The following PALLD variants were observed in gnomAD, a reference collection of about 807,000 sequenced individuals.
PALLD encodes palladin, cytoskeletal associated protein, also known as palladin.
In PALLD, 61 loss-of-function variants were observed where a neutral mutation model predicts 123.5. The ratio of observed to expected loss-of-function variants is 0.49; its 90% CI spans 0.40 to 0.61. The LOEUF (loss-of-function observed/expected upper bound fraction) is 0.61, where lower values mean the gene tolerates loss of function less well. Ranked by LOEUF, PALLD falls within the 20% of genes least tolerant of loss-of-function variation. PALLD has a pLI of 0.00. For missense variants in PALLD, 1,273 were observed against 1,377.0 expected, an observed-to-expected ratio of 0.92 and a Z score of 1.20; for synonymous variants, 465 against 496.4, an observed-to-expected ratio of 0.94 and a Z score of 0.84.
chr4:168,696,863 A>G (rs60387764), intron 8 of PALLD, among the ~76,000 whole-genome samples: 20,094 of 152,236 alleles, frequency 0.13, 1,638 homozygotes, highest in East Asian at 0.33. Flanking sequence ...GGATTCCAGA[A>G]GGAGAGAAGA....
intron 2 of PALLD, among the ~76,000 whole-genome samples, chr4:168,546,769 T>C (rs1766176424): frequency 6.6e-6 from 1 of 152,210 alleles, no homozygotes; most frequent in South Asian, 2.1e-4. Context: ...TTCCAAATGA[T>C]TTATTTCCAG....
At chr4:168,543,442 A>G (rs1372504941) in intron 2 of PALLD, among the ~76,000 whole-genome samples, 2 of 151,856 alleles carry the variant, frequency 1.3e-5, no homozygotes, top group Non-Finnish European at 2.9e-5. Flanking sequence ...AGTTTAATGT[A>G]TAAAACACAA....
At chr4:168,544,534 C>T (rs1219693533) in intron 2 of PALLD, among the ~76,000 whole-genome samples, 1 of 152,120 alleles carries the variant, frequency 6.6e-6, no homozygotes, top group Non-Finnish European at 1.5e-5. Context: ...ATTAAGCCAA[C>T]CATTTACTTA....
At chr4:168,523,432 G>T (rs899767599) in intron 2 of PALLD, among the ~76,000 whole-genome samples, 1 of 152,162 alleles carries the variant, frequency 6.6e-6, no homozygotes. Context: ...TTGTGTTAGT[G>T]CAAAGAGAAT....
At chr4:168,693,980 T>G (rs1782899832) in intron 8 of PALLD, among the ~76,000 whole-genome samples, 1 of 152,258 alleles carries the variant, frequency 6.6e-6, no homozygotes, top group South Asian at 2.1e-4. Flanking sequence ...ACAGTGTATT[T>G]GTGCTTAAAC....
chr4:168,510,068 T>C (rs969999572), intron 1 of PALLD, among the ~76,000 whole-genome samples: 1 of 152,200 alleles, frequency 6.6e-6, no homozygotes, highest in Non-Finnish European at 1.5e-5. Flanking sequence ...GGTAGAAAGT[T>C]GAGGTTCACC....
chr4:168,866,634 A>G (rs1041932807), intron 10 of PALLD, among the ~76,000 whole-genome samples: 7 of 152,236 alleles, frequency 4.6e-5, no homozygotes, highest in African/African-American at 1.7e-4. Context: ...TTAGTTTCTC[A>G]ATATAATGAA....
intron 1 of PALLD, among the ~76,000 whole-genome samples, chr4:168,503,473 C>T (rs1374486457): frequency 6.6e-6 from 1 of 151,868 alleles, no homozygotes; most frequent in Non-Finnish European, 1.5e-5. Flanking sequence ...AAGGGGAAAC[C>T]CTGTCTCTAC....
At chr4:168,513,512 C>T (rs1346542597) in intron 2 of PALLD, among the ~76,000 whole-genome samples, 3 of 152,192 alleles carry the variant, frequency 2.0e-5, no homozygotes, top group African/African-American at 7.2e-5. Context: ...GCCCAAGTTA[C>T]TCTACCCCTC....
intron 2 of PALLD, among the ~76,000 whole-genome samples, chr4:168,566,837 GT>G (rs1353539048): frequency 3.3e-5 from 5 of 152,128 alleles, no homozygotes; most frequent in Non-Finnish European, 1.5e-5. Flanking sequence ...ATTTATTTGT[GT>G]GTTTTTCATG....
chr4:168,820,677 C>G (rs78890751), intron 10 of PALLD, among the ~76,000 whole-genome samples: 1 of 151,798 alleles, frequency 6.6e-6, no homozygotes, highest in Admixed American at 6.6e-5. Context: ...TGAAAATACA[C>G]CTAAAGTATC....
intron 10 of PALLD, among the ~76,000 whole-genome samples, chr4:168,813,929 C>T (rs562379161): frequency 2.5e-4 from 38 of 152,204 alleles, no homozygotes; most frequent in African/African-American, 8.9e-4. Context: ...ATTATGGAAC[C>T]TCACAGCATC....
intron 12 of PALLD, among the ~76,000 whole-genome samples, chr4:168,895,600 T>TTG (rs1329444337): frequency 1.3e-5 from 2 of 152,188 alleles, no homozygotes; most frequent in Non-Finnish European, 2.9e-5. Context: ...TACAATTCAT[T>TTG]AAGTGGAAGT....
chr4:168,866,428 A>C (rs1210269806), intron 10 of PALLD, among the ~76,000 whole-genome samples: 1 of 152,240 alleles, frequency 6.6e-6, no homozygotes, highest in African/African-American at 2.4e-5. Flanking sequence ...CCATACCATG[A>C]AATTCTATGG....
At chr4:168,656,064 C>T (rs1447710211) in intron 2 of PALLD, among the ~76,000 whole-genome samples, 1 of 152,138 alleles carries the variant, frequency 6.6e-6, no homozygotes, top group African/African-American at 2.4e-5. Flanking sequence ...AGAAGACTGA[C>T]AGCATTGTCT....
chr4:168,808,713 A>G (rs1740604965), intron 10 of PALLD, among the ~76,000 whole-genome samples: 1 of 152,210 alleles, frequency 6.6e-6, no homozygotes, highest in Non-Finnish European at 1.5e-5. Flanking sequence ...CACATCTCAC[A>G]TGGCTGCACT....
intron 2 of PALLD, among the ~76,000 whole-genome samples, chr4:168,661,139 C>T (rs879717532): frequency 6.6e-6 from 1 of 152,086 alleles, no homozygotes; most frequent in Admixed American, 6.6e-5. Context: ...GAACTCCTGA[C>T]CTTGTGATCT....
Position 168,666,508 on chromosome 4 carries a change from TAAGGAGATAATTCC to T in PALLD, c.909-1674_909-1661del, listed in dbSNP as rs576869900. ...TCCTAGATGGGATTAATGAACAGGGTAAGGAGATAATTCCAAGGAGAAGAAAATGTGGGCACAGA... is the reference window on the plus strand; with the variant it reads ...TCCTAGATGGGATTAATGAACAGGGTAAGGAGAAGAAAATGTGGGCACAGA... On this transcript the variant is annotated intron_variant, in intron 2 of 21. Transcript: ENST00000505667. Among the ~76,000 whole-genome samples the T allele has an allele frequency of 3.0e-4, 46 of 152,064 alleles. 1 individual carries two copies. The South Asian group carries it at 9.4e-3, about 31-fold the overall frequency.
chr4:168,801,207 A>G (rs1328173039), intron 10 of PALLD, among the ~76,000 whole-genome samples: 4 of 152,126 alleles, frequency 2.6e-5, no homozygotes, highest in African/African-American at 9.7e-5. Context: ...CTTCTGTTCT[A>G]TTTTTTTACC....
Sources: gnomAD v4.1 joint callset for allele counts (sites outside exome capture counted in the v4.1 genomes callset) on GRCh38, gnomAD v4.1.1 for gene constraint, MANE v1.5 for transcripts, NCBI Gene and HGNC (gene_info 2026-07-23, HGNC 2026-07-21) for gene names.